Variants in METAP1D observed in about 807,000 individuals in gnomAD.
The protein encoded by METAP1D is methionine aminopeptidase 1D, mitochondrial.
Under a neutral mutation model 40.5 loss-of-function variants are expected in METAP1D, and 31 were observed. That is an observed-to-expected ratio of 0.77 (90% CI 0.58 to 1.03). The LOEUF is 1.03. Among genes scored for constraint, METAP1D ranks in the 50% least tolerant of loss-of-function variants. The probability of loss-of-function intolerance (pLI) is 0.00; values close to 1 mark genes in which losing one functional copy is unlikely to be tolerated. For missense variants in METAP1D, 411 were observed against 420.7 expected (o/e 0.98, Z 0.20); for synonymous variants, 151 against 146.4 (o/e 1.03, Z -0.22).
intron 8 of METAP1D, 94 bp downstream of exon 8, chr2:172,079,356 A>G: frequency 1.8e-6 from 2 of 1,114,868 alleles, no homozygotes; most frequent in Non-Finnish European, 2.7e-6. Context: ...GGACCAATAA[A>G]GCCAATCAGT....
chr2:172,032,864 C>A (rs1689270655), intron 1 of METAP1D, among the ~76,000 whole-genome samples: 1 of 152,088 alleles, frequency 6.6e-6, no homozygotes, highest in Admixed American at 6.5e-5. Context: ...CGATGGAGAC[C>A]ATCCTGGATA....
At position 172,081,885 on chromosome 2, in the gene METAP1D, C is replaced by T. The variant is rs1257958501; in HGVS notation, c.*1479C>T. The stretch of plus-strand genomic sequence containing the variant: ...ATTCATAATACGGGAAACTGAGGAC[C>T]AGGTGGCTCGGAAAAGAGATGAGTT... On this transcript the variant is annotated 3_prime_UTR_variant, in exon 10 of 10. Coordinates refer to ENST00000315796, the MANE Select transcript of METAP1D (RefSeq NM_199227.3). The T allele has an allele frequency of 6.6e-6, 1 of 152,234 alleles. No homozygotes were observed. The highest frequency in any genetic ancestry group is 1.9e-4 in the East Asian group (1 of 5,198). The allele number at this position is 152,234 out of a possible 1,614,324, so 9.4% of individuals were successfully genotyped here.
At chr2:172,015,563 C>T (rs1688835467) in intron 1 of METAP1D, among the ~76,000 whole-genome samples, 1 of 152,026 alleles carries the variant, frequency 6.6e-6, no homozygotes, top group South Asian at 2.1e-4. Flanking sequence ...ATGATTTATT[C>T]ATAAGTTGAG....
chr2:172,009,123 C>T (rs1484579441), intron 1 of METAP1D, among the ~76,000 whole-genome samples: 1 of 151,924 alleles, frequency 6.6e-6, no homozygotes, highest in African/African-American at 2.4e-5. Flanking sequence ...TCACTGCAAA[C>T]TCCACCTCCC....
At chr2:172,025,791 A>G (rs538074474) in intron 1 of METAP1D, among the ~76,000 whole-genome samples, 1 of 152,216 alleles carries the variant, frequency 6.6e-6, no homozygotes, top group South Asian at 2.1e-4. Context: ...TGCATCCTCA[A>G]ACTCCTGGAC....
In METAP1D at chr2:172,080,423, CG is replaced by C; in HGVS notation, c.*18del. ...GAGGCCTGAGGAGCCGCCCGAAGGT[CG>C]CGGTGACCTGGTGCCTTTTTAAATA... On this transcript the variant is annotated 3_prime_UTR_variant, in exon 10 of 10. Transcript: ENST00000315796. 1 of 1,613,060 alleles carries C rather than the reference CG, an allele frequency of 6.2e-7. No individual in the cohort carries two copies. The highest frequency in any genetic ancestry group is 8.5e-7 in the Non-Finnish European group (1 of 1,179,150).
At chr2:172,001,119 T>C (rs1688451446) in intron 1 of METAP1D, among the ~76,000 whole-genome samples, 1 of 152,166 alleles carries the variant, frequency 6.6e-6, no homozygotes, top group South Asian at 2.1e-4. Context: ...AAGAGGCAGA[T>C]TGCTCATTTG....
chr2:172,019,533 T>G (rs1333346667), intron 1 of METAP1D, among the ~76,000 whole-genome samples: 1 of 151,714 alleles, frequency 6.6e-6, no homozygotes, highest in African/African-American at 2.4e-5. Context: ...CTGGGCAACA[T>G]AGAGAGACCC....
At chr2:172,074,104 C>G (rs1483477190) in intron 6 of METAP1D, among the ~76,000 whole-genome samples, 1 of 152,108 alleles carries the variant, frequency 6.6e-6, no homozygotes, top group Non-Finnish European at 1.5e-5. Context: ...TCTCCATTTG[C>G]TTTAAAATAT....
At position 172,030,094 on chromosome 2, in the gene METAP1D, A is replaced by AT. The variant is rs1489404648; in HGVS notation, c.40+30088dup. Among the ~76,000 whole-genome samples the AT allele has an allele frequency of 4.4e-3, 626 of 143,672 alleles. 8 individuals carry two copies. The highest frequency in any genetic ancestry group is 0.015 in the African/African-American group (600 of 39,138). 94.3% of individuals were successfully genotyped at this position (143,672 alleles called of 152,430 possible). ...TTTATTTTATTTTATTTATTTATTT[A>AT]TTTATTTTTTTTGAGGCAGAGTTTC... On this transcript the variant is annotated intron_variant, in intron 1 of 9. Coordinates refer to ENST00000315796, the MANE Select transcript of METAP1D (RefSeq NM_199227.3).
chr2:172,057,389 G>C (rs1336846107), intron 1 of METAP1D, among the ~76,000 whole-genome samples: 3 of 152,110 alleles, frequency 2.0e-5, no homozygotes, highest in African/African-American at 7.2e-5. Context: ...GTCCTGCCTA[G>C]CAATGCAATT....
intron 1 of METAP1D, among the ~76,000 whole-genome samples, chr2:172,042,564 C>T (rs571838134): frequency 0.61 from 5,897 of 9,738 alleles, 2,897 homozygotes; most frequent in East Asian, 0.93. Flanking sequence ...TGTACATGTG[C>T]ACATATATAC....
At chr2:172,005,984 A>T (rs1328838345) in intron 1 of METAP1D, among the ~76,000 whole-genome samples, 4 of 152,178 alleles carry the variant, frequency 2.6e-5, no homozygotes, top group Non-Finnish European at 4.4e-5. Context: ...ATTAAAAAAA[A>T]ATATATTGAC....
chr2:172,010,350 C>T (rs1269520671), intron 1 of METAP1D, among the ~76,000 whole-genome samples: 1 of 151,060 alleles, frequency 6.6e-6, no homozygotes, highest in Non-Finnish European at 1.5e-5. Context: ...CCATGTTGCC[C>T]AGGCTGGCTT....
intron 1 of METAP1D, among the ~76,000 whole-genome samples, chr2:172,001,142 A>T (rs546600451): frequency 5.6e-4 from 83 of 149,282 alleles, no homozygotes; most frequent in Non-Finnish European, 9.0e-5. Context: ...CATGACTCTA[A>T]TTTTTTTTTT....
chr2:172,065,587 T>C lies in METAP1D; in HGVS notation c.349-17T>C. ...TCTTCAATTGTTGCTGCACAATTTC[T>C]TTATTTAACATTTTAGGTTGACATG... On this transcript the variant is annotated splice_polypyrimidine_tract_variant and intron_variant, in intron 3 of 9. Coordinates refer to ENST00000315796, the MANE Select transcript of METAP1D (RefSeq NM_199227.3). The C allele has an allele frequency of 6.2e-7, 1 of 1,611,652 alleles. No individual in the cohort carries two copies. Among genetic ancestry groups the C allele is most frequent in the Non-Finnish European group, 8.5e-7 (1 of 1,179,068 alleles).
rs950104589 is a variant in METAP1D at position 172,070,967 on chromosome 2, G to A, written c.601G>A (p.Glu201Lys). The part of the protein sequence containing the change: ...SETFLVGNVD[E>K]CGKKLVEVAR... ...AACATTTTTGGTGGGCAATGTGGAC[G>A]AATGTGGTAAAAAGTTAGTGGAGGT... The change falls in exon 6 of 10, where the codon GAA becomes AAA. Residue 201 changes from glutamate (E) to lysine (K), a missense_variant. Glu to Lys is a moderately conservative substitution (Grantham distance 56). Coordinates refer to ENST00000315796, the MANE Select transcript of METAP1D (RefSeq NM_199227.3). The A allele has an allele frequency of 1.5e-5, 24 of 1,613,118 alleles. No homozygotes were observed. Among genetic ancestry groups the A allele is most frequent in the African/African-American group, 9.3e-5 (7 of 75,000 alleles).
At chr2:172,078,563 C>G (rs1390514024) in intron 7 of METAP1D, among the ~76,000 whole-genome samples, 1 of 152,190 alleles carries the variant, frequency 6.6e-6, no homozygotes, top group Non-Finnish European at 1.5e-5. Context: ...GGGGCCTTGA[C>G]CTGTGCCCCT....
intron 1 of METAP1D, among the ~76,000 whole-genome samples, chr2:172,015,479 G>A (rs1306980796): frequency 2.0e-5 from 3 of 152,192 alleles, no homozygotes; most frequent in East Asian, 1.9e-4. Flanking sequence ...TTACAGTGTC[G>A]CTTATATTAA....
Sources: gnomAD v4.1 joint callset for allele counts (sites outside exome capture counted in the v4.1 genomes callset) on GRCh38, gnomAD v4.1.1 for gene constraint, MANE v1.5 for transcripts, NCBI Gene and HGNC (gene_info 2026-07-23, HGNC 2026-07-21) for gene names.